HERC3: variants seen among roughly 807,000 people sequenced by gnomAD.
The protein encoded by HERC3 is HECT and RLD domain containing E3 ubiquitin protein ligase 3.
Under a neutral mutation model 129.9 loss-of-function variants are expected in HERC3, and 58 were observed. The ratio of observed to expected loss-of-function variants is 0.45; its 90% CI spans 0.36 to 0.56. The LOEUF (loss-of-function observed/expected upper bound fraction) is 0.56, where lower values mean the gene tolerates loss of function less well. Ranked by LOEUF, HERC3 falls within the 20% of genes least tolerant of loss-of-function variation. The pLI, the probability that HERC3 is intolerant of heterozygous loss-of-function variation, is 0.00. For synonymous variants in HERC3, 430 were observed against 451.0 expected, an observed-to-expected ratio of 0.95 and a Z score of 0.59; for missense variants, 835 against 1,244.2, an observed-to-expected ratio of 0.67 and a Z score of 4.95.
chr4:88,530,872 CAG>C, the HERC3 span, among the ~76,000 whole-genome samples: 2 of 152,132 alleles, frequency 1.3e-5, no homozygotes, highest in East Asian at 1.9e-4. Context: ...CTTTTTGAGA[CAG>C]AGTCTTGCTC....
At chr4:88,530,726 T>C in the HERC3 span, among the ~76,000 whole-genome samples, 1 of 152,358 alleles carries the variant, frequency 6.6e-6, no homozygotes, top group East Asian at 1.9e-4. Context: ...TGCATATTAA[T>C]ATACATTTTA....
At chr4:88,673,542 G>A (rs2149306082) in intron 16 of HERC3, among the ~76,000 whole-genome samples, 1 of 152,270 alleles carries the variant, frequency 6.6e-6, no homozygotes, top group East Asian at 1.9e-4. Context: ...CTAGTTTTAA[G>A]TCTGTGATAC....
the HERC3 span, among the ~76,000 whole-genome samples, chr4:88,584,972 A>T: frequency 2.8e-4 from 43 of 152,232 alleles, no homozygotes; most frequent in Non-Finnish European, 5.7e-4. Context: ...CCATACATAG[A>T]CTAGATAGCT....
At chr4:88,549,319 T>TAA in the HERC3 span, among the ~76,000 whole-genome samples, 21 of 139,788 alleles carry the variant, frequency 1.5e-4, no homozygotes, top group African/African-American at 5.7e-4. Context: ...GTAACTTTTT[T>TAA]TAAAAAAAAA....
intron 11 of HERC3, among the ~76,000 whole-genome samples, chr4:88,663,016 A>G (rs1045295300): frequency 6.6e-6 from 1 of 151,992 alleles, no homozygotes; most frequent in Non-Finnish European, 1.5e-5. Flanking sequence ...AAAAAAAACA[A>G]CAGTAAGTAG....
At chr4:88,536,046 AT>A in the HERC3 span, among the ~76,000 whole-genome samples, 1 of 152,154 alleles carries the variant, frequency 6.6e-6, no homozygotes, top group Non-Finnish European at 1.5e-5. Flanking sequence ...AGTTTAACAA[AT>A]TAGTTATTCA....
chr4:88,641,603 A>G (rs1056890012), intron 3 of HERC3, among the ~76,000 whole-genome samples: 1 of 152,198 alleles, frequency 6.6e-6, no homozygotes, highest in African/African-American at 2.4e-5. Context: ...TCCCAGTATC[A>G]GTGAAACAGA....
At chr4:88,675,952 A>G (rs1268841683) in intron 16 of HERC3, among the ~76,000 whole-genome samples, 3 of 152,322 alleles carry the variant, frequency 2.0e-5, no homozygotes, top group African/African-American at 7.2e-5. Flanking sequence ...AGAGAATTCT[A>G]TTAATGCTGT....
the HERC3 span, among the ~76,000 whole-genome samples, chr4:88,543,539 C>T: frequency 6.6e-6 from 1 of 151,988 alleles, no homozygotes; most frequent in Admixed American, 6.6e-5. Context: ...AATGCCATCC[C>T]CATCAAGCTA....
rs1421613645 is a variant in HERC3, at chr4:88,676,247, T to C, written c.1935+6T>C. The C allele has an allele frequency of 3.2e-6, 5 of 1,569,558 alleles. No individual in the cohort carries two copies. The highest frequency in any genetic ancestry group is 4.4e-6 in the Non-Finnish European group (5 of 1,139,758). ...CTAGACCATCAATAATACAGGTAAA[T>C]GATCCTTTTTAAATTTGCTTTTATA... On this transcript the variant is annotated splice_donor_region_variant and intron_variant, in intron 17 of 25. Transcript: ENST00000402738.
chr4:88,621,921 G>A (rs1179990903), intron 3 of HERC3, among the ~76,000 whole-genome samples: 1 of 152,204 alleles, frequency 6.6e-6, no homozygotes. Context: ...GGCCATGACA[G>A]CCTGTGCACT....
rs765233648 is a variant in HERC3 at position 88,605,876 on chromosome 4, T to C, written c.53T>C (p.Leu18Pro). The change falls in exon 3 of 26, where the codon CTG becomes CCG. Residue 18 changes from leucine to proline, a missense_variant. By Grantham distance (98) the Leu-to-Pro change is moderately conservative (BLOSUM62 -3). Transcript: ENST00000402738. ...SLGQPGISTNLQGIVAEPQVC... is the reference protein window; with the variant it reads ...SLGQPGISTNPQGIVAEPQVC... ...GGCCAACCTGGTATCAGCACCAACC[T>C]GCAGGGAATTGTGGCTGAGCCCCAG... 3 of 1,614,230 alleles carry C rather than the reference T, an allele frequency of 1.9e-6. No individual in the cohort carries two copies. The South Asian group carries it at 3.3e-5, about 18-fold the overall frequency.
the HERC3 span, among the ~76,000 whole-genome samples, chr4:88,525,348 A>G: frequency 7.5e-3 from 1,143 of 152,296 alleles, 15 homozygotes; most frequent in African/African-American, 0.026. Context: ...TTAATTTTTC[A>G]GTTGAAGTCA....
At chr4:88,683,907 T>C (rs1380676848) in intron 21 of HERC3, among the ~76,000 whole-genome samples, 1 of 152,204 alleles carries the variant, frequency 6.6e-6, no homozygotes, top group Non-Finnish European at 1.5e-5. Flanking sequence ...TTTTTGCAGT[T>C]TTTCTTCTTT....
chr4:88,639,969 A>G (rs1727890598), intron 3 of HERC3, among the ~76,000 whole-genome samples: 1 of 152,202 alleles, frequency 6.6e-6, no homozygotes. Context: ...GCCAACAAAC[A>G]TGAAAAAAGC....
At chr4:88,562,214 A>G in the HERC3 span, among the ~76,000 whole-genome samples, 1 of 152,150 alleles carries the variant, frequency 6.6e-6, no homozygotes, top group Non-Finnish European at 1.5e-5. Context: ...ATGATATCTC[A>G]TTGTAATTTT....
intron 3 of HERC3, among the ~76,000 whole-genome samples, chr4:88,616,491 G>T (rs958312204): frequency 6.6e-6 from 1 of 152,190 alleles, no homozygotes; most frequent in Non-Finnish European, 1.5e-5. Flanking sequence ...CAATCCACTG[G>T]CTCCTAGCCC....
chr4:88,577,483 T>G, the HERC3 span, among the ~76,000 whole-genome samples: 1 of 152,028 alleles, frequency 6.6e-6, no homozygotes, highest in Non-Finnish European at 1.5e-5. Context: ...AAAGCACATT[T>G]TATTATATTA....
At chr4:88,606,983 C>G (rs1723721568) in intron 3 of HERC3, among the ~76,000 whole-genome samples, 1 of 152,188 alleles carries the variant, frequency 6.6e-6, no homozygotes, top group Admixed American at 6.5e-5. Context: ...CATGCTCTTA[C>G]ATGTTTTGTG....
Sources: gnomAD v4.1 joint callset for allele counts (sites outside exome capture counted in the v4.1 genomes callset) on GRCh38, gnomAD v4.1.1 for gene constraint, MANE v1.5 for transcripts, NCBI Gene and HGNC (gene_info 2026-07-23, HGNC 2026-07-21) for gene names.